The following CCSER1 variants were observed in gnomAD, a reference collection of about 807,000 sequenced individuals.
CCSER1 encodes the protein serine-rich coiled-coil domain-containing protein 1.
CCSER1 carries 41 observed loss-of-function variants against 82.0 expected under a neutral mutation model. The observed-to-expected ratio is 0.50, with a 90% CI of 0.39 to 0.65. The LOEUF (loss-of-function observed/expected upper bound fraction) is 0.65. Ranked by LOEUF, CCSER1 falls within the 30% of genes least tolerant of loss-of-function variation. CCSER1 has a pLI of 0.00. For missense variants in CCSER1, 1,119 were observed against 1,064.2 expected (o/e 1.05, Z -0.72); for synonymous variants, 414 against 383.9 (o/e 1.08, Z -0.92).
chr4:90,260,346 T>C (rs1724091922), intron 1 of CCSER1, among the ~76,000 whole-genome samples: 1 of 152,188 alleles, frequency 6.6e-6, no homozygotes, highest in South Asian at 2.1e-4. Flanking sequence ...TGTCTAGTGT[T>C]CTGTGGAGTA....
chr4:90,212,981 A>G (rs72876168), intron 1 of CCSER1, among the ~76,000 whole-genome samples: 8,412 of 152,136 alleles, frequency 0.055, 651 homozygotes, highest in African/African-American at 0.17. Flanking sequence ...GAGGCCTAAC[A>G]TGTGTATGGG....
At chr4:90,131,600 TATA>T (rs906447866) in intron 1 of CCSER1, among the ~76,000 whole-genome samples, 95 of 152,256 alleles carry the variant, frequency 6.2e-4, no homozygotes, top group African/African-American at 2.2e-3. Flanking sequence ...ATATATTTCA[TATA>T]ATAGTTTATT....
At chr4:90,159,909 A>G (rs921194607) in intron 1 of CCSER1, among the ~76,000 whole-genome samples, 2 of 152,242 alleles carry the variant, frequency 1.3e-5, no homozygotes, top group Admixed American at 1.3e-4. Flanking sequence ...ATTGATAAGT[A>G]TAATTAAAAT....
chr4:91,062,093 T>C (rs989752502), intron 9 of CCSER1, among the ~76,000 whole-genome samples: 1 of 152,004 alleles, frequency 6.6e-6, no homozygotes, highest in Non-Finnish European at 1.5e-5. Flanking sequence ...AAATACACCA[T>C]ATTTACTCAT....
intron 9 of CCSER1, among the ~76,000 whole-genome samples, chr4:91,002,681 G>A (rs1738142941): frequency 6.6e-6 from 1 of 151,732 alleles, no homozygotes; most frequent in African/African-American, 2.4e-5. Context: ...TTCTTAGATT[G>A]GGCTTTGCCT....
At chr4:90,281,506 T>G (rs1009473066) in intron 1 of CCSER1, among the ~76,000 whole-genome samples, 1 of 151,994 alleles carries the variant, frequency 6.6e-6, no homozygotes, top group Non-Finnish European at 1.5e-5. Flanking sequence ...AAAAAATAAT[T>G]TTTTCCATAT....
chr4:91,265,297 T>A (rs1201986173), intron 10 of CCSER1, among the ~76,000 whole-genome samples: 2 of 152,108 alleles, frequency 1.3e-5, no homozygotes, highest in Admixed American at 6.6e-5. Context: ...TATACAATCA[T>A]AAACTATTAT....
At chr4:90,816,480 TAAG>T (rs1382931365) in intron 8 of CCSER1, among the ~76,000 whole-genome samples, 5 of 152,118 alleles carry the variant, frequency 3.3e-5, no homozygotes, top group African/African-American at 1.2e-4. Context: ...TTATTTTTTC[TAAG>T]TATGTGTTTT....
intron 1 of CCSER1, among the ~76,000 whole-genome samples, chr4:90,185,816 T>C (rs1734513296): frequency 6.6e-6 from 1 of 152,046 alleles, no homozygotes; most frequent in African/African-American, 2.4e-5. Context: ...TACAACAATT[T>C]CAAGGAAGTG....
At position 91,037,695 on chromosome 4, in the gene CCSER1, G is replaced by A. The variant is rs76901504; in HGVS notation, c.2173-48255G>A. On this transcript the variant is annotated intron_variant, in intron 9 of 10. Transcript: ENST00000509176. ...AAAAATGAAAGAAAGATAACTCCAC[G>A]GAGAAAGATTTGTGTGCATATTTAA... 9.2e-3 allele frequency among the ~76,000 whole-genome samples: 1,402 copies of A among 151,764 alleles called. 20 individuals are homozygous for A. The highest frequency in any genetic ancestry group is 0.033 in the African/African-American group (1,350 of 41,376).
intron 4 of CCSER1, among the ~76,000 whole-genome samples, chr4:90,430,798 A>G (rs1758165926): frequency 6.6e-6 from 1 of 151,946 alleles, no homozygotes; most frequent in African/African-American, 2.4e-5. Context: ...GACTAATGAA[A>G]TTTGTTTTAA....
chr4:90,595,362 C>A (rs984550564), intron 5 of CCSER1, among the ~76,000 whole-genome samples: 7 of 151,846 alleles, frequency 4.6e-5, no homozygotes, highest in African/African-American at 1.4e-4. Context: ...ATGGTAGGCA[C>A]TTGAAATATT....
At chr4:90,334,949 A>C (rs1740099485) in intron 3 of CCSER1, among the ~76,000 whole-genome samples, 1 of 152,174 alleles carries the variant, frequency 6.6e-6, no homozygotes, top group African/African-American at 2.4e-5. Flanking sequence ...AGTCTTGCAC[A>C]TAGGGTAGTG....
intron 5 of CCSER1, among the ~76,000 whole-genome samples, chr4:90,525,372 T>C (rs1306297484): frequency 6.6e-6 from 1 of 152,162 alleles, no homozygotes; most frequent in Non-Finnish European, 1.5e-5. Context: ...AAAGTTAGTC[T>C]TTGTAAATTT....
intron 10 of CCSER1, among the ~76,000 whole-genome samples, chr4:91,341,976 A>G (rs1747751135): frequency 6.6e-6 from 1 of 152,214 alleles, no homozygotes; most frequent in African/African-American, 2.4e-5. Flanking sequence ...TGTTATATAT[A>G]AAGTAGGAAA....
chr4:90,430,556 G>T lies in CCSER1; in HGVS notation c.1603+30427G>T, dbSNP rs185621537. ...ATTGACACTTCTTACTGCCTCTCAGGGATTTAAATGTTTAAATATTTTAGC... is the reference window on the plus strand; with the variant it reads ...ATTGACACTTCTTACTGCCTCTCAGTGATTTAAATGTTTAAATATTTTAGC... On this transcript the variant is annotated intron_variant, in intron 4 of 10. Coordinates refer to ENST00000509176, the MANE Select transcript of CCSER1 (RefSeq NM_001145065.2). Among the ~76,000 whole-genome samples the T allele has an allele frequency of 2.3e-3, 347 of 151,826 alleles. 4 individuals are homozygous for T. Among genetic ancestry groups the T allele is most frequent in the African/African-American group, 8.1e-3 (335 of 41,456 alleles).
intron 1 of CCSER1, among the ~76,000 whole-genome samples, chr4:90,177,010 G>A (rs370336970): frequency 2.0e-5 from 3 of 152,168 alleles, no homozygotes; most frequent in African/African-American, 2.4e-5. Context: ...ATTGGTCCTT[G>A]AAGCAATGAA....
In CCSER1 at chr4:91,234,605, T is replaced by C. The variant is rs372977328; in HGVS notation, c.2217+148611T>C. On this transcript the variant is annotated intron_variant, in intron 10 of 10. Coordinates refer to ENST00000509176, the MANE Select transcript of CCSER1 (RefSeq NM_001145065.2). ...TGGGATATGAGACTATACAGTTTTGTAGGTATAACTTGCACTTTTTGCCAT... is the reference window on the plus strand; with the variant it reads ...TGGGATATGAGACTATACAGTTTTGCAGGTATAACTTGCACTTTTTGCCAT... Among the ~76,000 whole-genome samples, 21 of 152,232 alleles carry C rather than the reference T, an allele frequency of 1.4e-4. No homozygotes were observed. The East Asian group carries it at 4.0e-3, about 29-fold the overall frequency.
At chr4:90,999,295 AG>A (rs1337580279) in intron 9 of CCSER1, among the ~76,000 whole-genome samples, 3 of 152,172 alleles carry the variant, frequency 2.0e-5, no homozygotes, top group African/African-American at 7.2e-5. Context: ...AAGGTCTTTG[AG>A]AAATCTCCAA....
Sources: gnomAD v4.1 joint callset for allele counts (sites outside exome capture counted in the v4.1 genomes callset) on GRCh38, gnomAD v4.1.1 for gene constraint, MANE v1.5 for transcripts, NCBI Gene and HGNC (gene_info 2026-07-23, HGNC 2026-07-21) for gene names.